Variants in CFAP47 observed in about 807,000 individuals in gnomAD.
CFAP47 encodes the protein cilia- and flagella-associated protein 47.
CFAP47 carries 29 observed loss-of-function variants against 148.1 expected under a neutral mutation model. That is an observed-to-expected ratio of 0.20 (90% CI 0.15 to 0.27). The LOEUF is 0.27. CFAP47 is among the 10% of genes least tolerant of loss of function. The pLI is 1.00. For missense variants in CFAP47, 1,872 were observed against 1,697.5 expected (o/e 1.10, Z -1.81); for synonymous variants, 664 against 577.3 (o/e 1.15, Z -2.15).
chrX:36,282,516 TG>T (rs1160674954), intron 50 of CFAP47, among the ~76,000 whole-genome samples: 2 of 111,628 alleles, frequency 1.8e-5, no homozygotes, highest in Non-Finnish European at 3.8e-5. Flanking sequence ...AAGGTATCCC[TG>T]ATTCTTCAGA....
intron 40 of CFAP47, 56 bp downstream of exon 40, chrX:36,179,478 G>A: frequency 3.4e-6 from 1 of 290,948 alleles, no homozygotes. Flanking sequence ...TGAGAAATAA[G>A]TAGTCAAGGA....
rs1420273343 is a variant in CFAP47, at chrX:36,301,162, A to T, written c.7953A>T (p.Ile2651=). The change falls in exon 53 of 64, where the codon ATA becomes ATT. Residue 2651 remains isoleucine, a synonymous_variant. Transcript: ENST00000378653. The part of the protein sequence containing the change: ...ELPKPTTMPE[I]QCDLGKHVTQ... ...CAAAACCAACCACAATGCCAGAAAT[A>T]CAGTGCGACCTTGGCAAGTAAGTTC... is the stretch of plus-strand genomic sequence containing the variant. 2.5e-5 allele frequency: 28 copies of T among 1,134,313 alleles called. No homozygotes were observed. Among genetic ancestry groups the T allele is most frequent in the Non-Finnish European group, 2.4e-6 (2 of 845,931 alleles). 93.5% of individuals were successfully genotyped at this position (1,134,313 alleles called of 1,213,427 possible).
chrX:36,371,834 G>C (rs1334497458), intron 62 of CFAP47, among the ~76,000 whole-genome samples: 1 of 64,614 alleles, frequency 1.5e-5, no homozygotes, highest in Non-Finnish European at 2.6e-5. Flanking sequence ...ACACACATGT[G>C]TGTATATGTG....
At chrX:36,058,011 A>C (rs923973972) in intron 26 of CFAP47, among the ~76,000 whole-genome samples, 3 of 112,176 alleles carry the variant, frequency 2.7e-5, no homozygotes, top group African/African-American at 9.7e-5. Context: ...TGAAATGCAA[A>C]TAGTACTTCA....
chrX:36,127,746 G>A (rs1938868587), intron 33 of CFAP47, among the ~76,000 whole-genome samples: 1 of 111,115 alleles, frequency 9.0e-6, no homozygotes. Context: ...TTTTCCATTT[G>A]TTTGTGTCCT....
At chrX:36,202,013 AT>A (rs1243524936) in intron 44 of CFAP47, among the ~76,000 whole-genome samples, 5 of 110,845 alleles carry the variant, frequency 4.5e-5, no homozygotes, top group Non-Finnish European at 7.6e-5. Flanking sequence ...AAATTTTTAT[AT>A]TTTTTTATAT....
intron 33 of CFAP47, among the ~76,000 whole-genome samples, chrX:36,125,488 A>G (rs926610161): frequency 8.9e-6 from 1 of 112,083 alleles, no homozygotes; most frequent in Non-Finnish European, 1.9e-5. Context: ...GAACTACAAA[A>G]AATCAAAAGA....
intron 51 of CFAP47, among the ~76,000 whole-genome samples, chrX:36,290,135 G>A (rs1224921461): frequency 2.7e-5 from 3 of 110,050 alleles, no homozygotes; most frequent in African/African-American, 6.6e-5. Flanking sequence ...TGCTGGCCAA[G>A]CTCTGTGCTC....
intron 26 of CFAP47, among the ~76,000 whole-genome samples, chrX:36,051,348 G>C (rs1449259814): frequency 8.9e-6 from 1 of 112,010 alleles, no homozygotes; most frequent in Non-Finnish European, 1.9e-5. Flanking sequence ...CAGCCAGAAG[G>C]GGGGCTGTAA....
chrX:36,252,998 C>A (rs113214454), intron 49 of CFAP47, among the ~76,000 whole-genome samples: 1 of 111,853 alleles, frequency 8.9e-6, no homozygotes, highest in East Asian at 2.8e-4. Context: ...AATAGACTGA[C>A]GAAAAATTAA....
intron 22 of CFAP47, among the ~76,000 whole-genome samples, chrX:36,018,916 G>A: frequency 9.0e-6 from 1 of 111,190 alleles, no homozygotes; most frequent in Non-Finnish European, 1.9e-5. Flanking sequence ...ATAGTTTGAG[G>A]AGGATTGGTA....
At chrX:35,942,151 C>T (rs967737059) in intron 3 of CFAP47, among the ~76,000 whole-genome samples, 3 of 110,825 alleles carry the variant, frequency 2.7e-5, no homozygotes, top group African/African-American at 9.8e-5. Flanking sequence ...TGTGGGGTTG[C>T]AAGATTGCCA....
chrX:36,254,243 A>C (rs1940724310), intron 49 of CFAP47, among the ~76,000 whole-genome samples: 1 of 111,379 alleles, frequency 9.0e-6, no homozygotes, highest in Admixed American at 9.6e-5. Context: ...AGGGTTGGGG[A>C]AACTTTCCAG....
At chrX:35,924,032 C>A (rs1001465173) in intron 1 of CFAP47, among the ~76,000 whole-genome samples, 1 of 95,457 alleles carries the variant, frequency 1.0e-5, no homozygotes, top group South Asian at 4.8e-4. Context: ...CATATATATG[C>A]ACATATATGT....
intron 4 of CFAP47, among the ~76,000 whole-genome samples, chrX:35,950,372 C>T (rs1483442877): frequency 9.0e-6 from 1 of 111,331 alleles, no homozygotes; most frequent in Non-Finnish European, 1.9e-5. Flanking sequence ...ATTTTTGTTT[C>T]GTTTTGGTTT....
intron 10 of CFAP47, among the ~76,000 whole-genome samples, chrX:35,969,506 T>G (rs755463165): frequency 3.6e-5 from 4 of 111,629 alleles, no homozygotes; most frequent in Admixed American, 1.9e-4. Flanking sequence ...TTTAAAAAAC[T>G]TATCCTCCTT....
chrX:36,087,952 G>A (rs765492748), intron 30 of CFAP47, among the ~76,000 whole-genome samples: 63 of 111,378 alleles, frequency 5.7e-4, no homozygotes, highest in African/African-American at 1.9e-3. Context: ...TTCTTCCGAG[G>A]TTTCTCTGCT....
chrX:35,950,589 G>A (rs746446811), intron 4 of CFAP47, among the ~76,000 whole-genome samples: 1 of 110,514 alleles, frequency 9.0e-6, no homozygotes, highest in Non-Finnish European at 1.9e-5. Context: ...GCCTAGGCTC[G>A]TCTTGAACTC....
intron 45 of CFAP47, chrX:36,211,358 AGGGG>A: frequency 3.9e-6 from 1 of 253,226 alleles, no homozygotes; most frequent in Non-Finnish European, 7.6e-6. Flanking sequence ...CCCTACTTAA[AGGGG>A]AGACAAAAAA....
Sources: allele counts gnomAD v4.1 joint callset (sites outside exome capture counted in the v4.1 genomes callset), GRCh38; gene constraint gnomAD v4.1.1; transcripts MANE v1.5; gene names NCBI Gene and HGNC (gene_info 2026-07-23, HGNC 2026-07-21).